CNTN6: variants seen among roughly 807,000 people sequenced by gnomAD.
CNTN6 encodes contactin-6.
CNTN6 carries 137 observed loss-of-function variants against 122.8 expected under a neutral mutation model. The observed-to-expected ratio is 1.12, with a 90% CI of 0.97 to 1.29. The LOEUF (loss-of-function observed/expected upper bound fraction) is 1.29, where lower values mean the gene tolerates loss of function less well. CNTN6 is among the 50% of genes most tolerant of loss of function. The probability of loss-of-function intolerance (pLI) is 0.00; values close to 1 mark genes in which losing one functional copy is unlikely to be tolerated. For synonymous variants in CNTN6, 570 were observed against 426.0 expected (o/e 1.34, Z -4.16); for missense variants, 1,634 against 1,223.4 (o/e 1.34, Z -5.01).
intron 4 of CNTN6, among the ~76,000 whole-genome samples, chr3:1,250,534 A>T (rs780913844): frequency 6.6e-6 from 1 of 152,162 alleles, no homozygotes. Context: ...TTGCCTTGAC[A>T]TCACCATCTC....
chr3:1,321,121 A>G (rs1344273934), intron 7 of CNTN6, among the ~76,000 whole-genome samples: 1 of 151,462 alleles, frequency 6.6e-6, no homozygotes, highest in African/African-American at 2.4e-5. Flanking sequence ...CACCCATCCC[A>G]TGTCTTCAGT....
chr3:1,193,849 A>G (rs1051467561), intron 2 of CNTN6, among the ~76,000 whole-genome samples: 12 of 152,192 alleles, frequency 7.9e-5, no homozygotes, highest in African/African-American at 2.9e-4. Flanking sequence ...TAAATAAAAT[A>G]CAGTGATCTT....
chr3:1,219,564 G>C (rs941272485), intron 2 of CNTN6, among the ~76,000 whole-genome samples: 1 of 152,076 alleles, frequency 6.6e-6, no homozygotes, highest in African/African-American at 2.4e-5. Flanking sequence ...ACCAATACAG[G>C]GAAGAGTCTG....
intron 20 of CNTN6, among the ~76,000 whole-genome samples, chr3:1,393,522 C>A: frequency 7.2e-6 from 1 of 139,102 alleles, no homozygotes. Context: ...CTAACCTGCA[C>A]GTTGTGCACA....
intron 1 of CNTN6, among the ~76,000 whole-genome samples, chr3:1,099,579 G>T (rs910973189): frequency 2.6e-5 from 4 of 151,930 alleles, no homozygotes; most frequent in Non-Finnish European, 4.4e-5. Flanking sequence ...ATTCACTATT[G>T]CAGTGTTCTA....
intron 1 of CNTN6, among the ~76,000 whole-genome samples, chr3:1,107,717 G>C (rs1281893140): frequency 6.6e-6 from 1 of 151,972 alleles, no homozygotes; most frequent in Non-Finnish European, 1.5e-5. Flanking sequence ...TCTCATGGTA[G>C]GTGCTAATGT....
intron 2 of CNTN6, among the ~76,000 whole-genome samples, chr3:1,177,081 C>A (rs1480571316): frequency 1.3e-5 from 2 of 152,136 alleles, no homozygotes; most frequent in Non-Finnish European, 2.9e-5. Flanking sequence ...CCTGAGGAAA[C>A]AATCACAAAG....
At chr3:1,255,540 A>G (rs1377602487) in intron 4 of CNTN6, among the ~76,000 whole-genome samples, 1 of 152,144 alleles carries the variant, frequency 6.6e-6, no homozygotes, top group Non-Finnish European at 1.5e-5. Context: ...CATTATTGCT[A>G]ACACTCAGGA....
chr3:1,361,476 A>G (rs1215323582), intron 12 of CNTN6, among the ~76,000 whole-genome samples: 5 of 152,120 alleles, frequency 3.3e-5, no homozygotes, highest in African/African-American at 9.7e-5. Context: ...ATGGTTTTCA[A>G]TAGATGATTG....
chr3:1,152,018 A>G (rs2092854408), intron 2 of CNTN6, among the ~76,000 whole-genome samples: 1 of 152,226 alleles, frequency 6.6e-6, no homozygotes. Flanking sequence ...GATAATTTGG[A>G]TAACCAAATT....
In CNTN6 at chr3:1,372,895, C is replaced by T. The variant is rs759904703; in HGVS notation, c.1726C>T (p.Leu576Phe). 17 of 1,610,686 alleles carry T rather than the reference C, an allele frequency of 1.1e-5. No homozygotes were observed. Among genetic ancestry groups the T allele is most frequent in the Middle Eastern group, 3.3e-4 (2 of 6,048 alleles). Reference sequence around the variant, plus strand: ...TCAGTTACATCATTCAGGAAAATATCTCTGCACAGTACAAACAACCCTAGA... The same window carrying T: ...TCAGTTACATCATTCAGGAAAATATTTCTGCACAGTACAAACAACCCTAGA... Reference protein sequence around the residue: ...NIQLHHSGKYLCTVQTTLESL... With the variant: ...NIQLHHSGKYFCTVQTTLESL... Residue 576 changes from leucine (L) to phenylalanine (F), a missense_variant, in exon 14 of 23, where the codon CTC becomes TTC. Leu to Phe is a conservative substitution (Grantham distance 22). Transcript: ENST00000446702.
chr3:1,219,869 C>A (rs1372928467), intron 2 of CNTN6, among the ~76,000 whole-genome samples: 1 of 151,998 alleles, frequency 6.6e-6, no homozygotes, highest in African/African-American at 2.4e-5. Flanking sequence ...CAAAAATTAA[C>A]CTGGCATGGT....
chr3:1,379,124 G>A (rs1361293306), intron 17 of CNTN6, among the ~76,000 whole-genome samples: 2 of 152,114 alleles, frequency 1.3e-5, no homozygotes, highest in Non-Finnish European at 2.9e-5. Context: ...CTTGTACACA[G>A]TCTATAATGA....
chr3:1,185,736 C>T (rs2125358831), intron 2 of CNTN6, among the ~76,000 whole-genome samples: 1 of 152,198 alleles, frequency 6.6e-6, no homozygotes, highest in East Asian at 1.9e-4. Flanking sequence ...TTGCTGTGCC[C>T]CTCTGTAAGC....
intron 7 of CNTN6, among the ~76,000 whole-genome samples, chr3:1,303,895 G>A (rs1697874542): frequency 6.6e-6 from 1 of 152,130 alleles, no homozygotes; most frequent in Non-Finnish European, 1.5e-5. Flanking sequence ...ATCCCCAACT[G>A]AATGCTTCAA....
At chr3:1,323,693 T>G (rs1465380034) in intron 8 of CNTN6, among the ~76,000 whole-genome samples, 1 of 151,770 alleles carries the variant, frequency 6.6e-6, no homozygotes, top group Non-Finnish European at 1.5e-5. Context: ...TTATTCATCA[T>G]AGAAAATAGA....
At chr3:1,211,519 A>G (rs1487903451) in intron 2 of CNTN6, among the ~76,000 whole-genome samples, 3 of 152,170 alleles carry the variant, frequency 2.0e-5, no homozygotes, top group Admixed American at 2.0e-4. Context: ...AACAGAAACC[A>G]TACAATTAGT....
chr3:1,229,447 T>G (rs993605368), intron 4 of CNTN6, among the ~76,000 whole-genome samples: 1 of 152,150 alleles, frequency 6.6e-6, no homozygotes, highest in African/African-American at 2.4e-5. Context: ...ATACAGCATA[T>G]TTATTTGCTA....
chr3:1,268,214 C>T (rs3772327), intron 4 of CNTN6, among the ~76,000 whole-genome samples: 85,901 of 152,028 alleles, frequency 0.57, 24,930 homozygotes, highest in East Asian at 0.87. Context: ...CAAGAGGTCA[C>T]TGCTGCCTCC....
Sources: gnomAD v4.1 joint callset for allele counts (sites outside exome capture counted in the v4.1 genomes callset) on GRCh38, gnomAD v4.1.1 for gene constraint, MANE v1.5 for transcripts, NCBI Gene and HGNC (gene_info 2026-07-23, HGNC 2026-07-21) for gene names.